Variants in LGR6 observed in about 807,000 individuals in gnomAD.
LGR6 encodes leucine rich repeat containing G protein-coupled receptor 6, also known as leucine-rich repeat-containing G protein-coupled receptor 6.
A neutral mutation model predicts 69.4 loss-of-function variants in LGR6; 45 were observed. The observed-to-expected ratio is 0.65, with a 90% CI of 0.51 to 0.83. The LOEUF (loss-of-function observed/expected upper bound fraction) is 0.83. LGR6 is among the 40% of genes least tolerant of loss of function. LGR6 has a pLI of 0.00. For missense variants in LGR6, 1,108 were observed against 1,246.7 expected (o/e 0.89, Z 1.68); for synonymous variants, 538 against 555.0 (o/e 0.97, Z 0.43).
chr1:202,305,189 A>G (rs1667893640), intron 11 of LGR6, among the ~76,000 whole-genome samples: 1 of 152,070 alleles, frequency 6.6e-6, no homozygotes, highest in South Asian at 2.1e-4. Flanking sequence ...CTTGCCACTG[A>G]CTGGTGGTGT....
intron 1 of LGR6, among the ~76,000 whole-genome samples, chr1:202,221,515 T>TTCCCA (rs1350267194): frequency 6.6e-6 from 1 of 152,188 alleles, no homozygotes; most frequent in Admixed American, 6.5e-5. Context: ...ACATTTCCCA[T>TTCCCA]TCCCATCCCA....
intron 1 of LGR6, among the ~76,000 whole-genome samples, chr1:202,209,697 C>T (rs1002142984): frequency 6.6e-6 from 1 of 152,228 alleles, no homozygotes. Flanking sequence ...TATCCTAAAG[C>T]CTTTCACTCG....
rs1553250338 is a variant in LGR6, at chr1:202,276,473, G to A, written c.596G>A (p.Ser199Asn). ...ATGACCCTGGCCCTCAACCGCATCAGCCACATCCCCGACTACGCGTTCCAG... is the reference window on the plus strand; with the variant it reads ...ATGACCCTGGCCCTCAACCGCATCAACCACATCCCCGACTACGCGTTCCAG... ...QAMTLALNRI[S>N]HIPDYAFQNL... is the part of the protein sequence containing the mutation. The change falls in exon 5 of 18, where the codon AGC becomes AAC. Residue 199 changes from serine to asparagine, a missense_variant. Transcript: ENST00000367278. 1 of 1,614,060 alleles carries A rather than the reference G, an allele frequency of 6.2e-7. No individual in the cohort carries two copies. Among genetic ancestry groups the A allele is most frequent in the Non-Finnish European group, 8.5e-7 (1 of 1,180,054 alleles).
In LGR6 at chr1:202,235,982, C is replaced by G. The variant is rs913900036; in HGVS notation, c.417C>G (p.Ser139Arg). The G allele has an allele frequency of 1.9e-6, 3 of 1,613,754 alleles. No individual in the cohort carries two copies. The highest frequency in any genetic ancestry group is 1.7e-6 in the Non-Finnish European group (2 of 1,179,850). The change falls in exon 4 of 18, where the codon AGC becomes AGG. Residue 139 changes from serine to arginine, a missense_variant. Ser to Arg is a moderately radical substitution (Grantham distance 110). Coordinates refer to ENST00000367278, the MANE Select transcript of LGR6 (RefSeq NM_001017403.2). ...IPAEALWELPSLQSLRLDANL... is the reference protein window; with the variant it reads ...IPAEALWELPRLQSLRLDANL... ...CAGAGGCGCTGTGGGAGCTGCCGAGCCTGCAGTCGCTGTGAGTCATTAGAG... is the reference window on the plus strand; with the variant it reads ...CAGAGGCGCTGTGGGAGCTGCCGAGGCTGCAGTCGCTGTGAGTCATTAGAG...
At chr1:202,260,460 A>C (rs766910673) in intron 4 of LGR6, among the ~76,000 whole-genome samples, 9 of 152,046 alleles carry the variant, frequency 5.9e-5, no homozygotes, top group Non-Finnish European at 1.2e-4. Flanking sequence ...CAGCCTCCCA[A>C]GTAGCTAGGA....
intron 4 of LGR6, among the ~76,000 whole-genome samples, chr1:202,255,351 G>A (rs1321380954): frequency 2.6e-5 from 4 of 152,158 alleles, no homozygotes; most frequent in Admixed American, 6.5e-5. Context: ...CAGGAGGAGC[G>A]GGCATGGCCT....
chr1:202,237,665 A>G (rs982645376), intron 4 of LGR6, among the ~76,000 whole-genome samples: 1 of 152,170 alleles, frequency 6.6e-6, no homozygotes, highest in Non-Finnish European at 1.5e-5. Context: ...TGGCTGGGAG[A>G]ACCAGACCAT....
intron 1 of LGR6, among the ~76,000 whole-genome samples, chr1:202,196,796 G>A (rs1658657058): frequency 6.6e-6 from 1 of 152,180 alleles, no homozygotes; most frequent in Non-Finnish European, 1.5e-5. Context: ...TGAGCCTAGT[G>A]GGTGAGTGTA....
At chr1:202,236,489 A>G (rs908992393) in intron 4 of LGR6, among the ~76,000 whole-genome samples, 2 of 152,196 alleles carry the variant, frequency 1.3e-5, no homozygotes, top group Non-Finnish European at 2.9e-5. Flanking sequence ...CACCCATAAC[A>G]GATCCCTCCC....
chr1:202,248,219 G>A (rs923202013), intron 4 of LGR6, among the ~76,000 whole-genome samples: 22 of 152,284 alleles, frequency 1.4e-4, no homozygotes, highest in African/African-American at 5.1e-4. Context: ...GCGTCATGGA[G>A]GTCACTAAGT....
Position 202,194,090 on chromosome 1 carries a change from C to G in LGR6, c.101C>G (p.Ala34Gly). The part of the protein sequence containing the change: ...GAPQPGPGPT[A>G]CPAPCHCQED... ...CCCCAGCCCGGCCCGGGGCCCACCGCCTGCCCGGCCCCCTGCCACTGCCAG... is the reference window on the plus strand; with the variant it reads ...CCCCAGCCCGGCCCGGGGCCCACCGGCTGCCCGGCCCCCTGCCACTGCCAG... The change falls in exon 1 of 18, where the codon GCC becomes GGC. Residue 34 changes from alanine to glycine, a missense_variant. Coordinates refer to ENST00000367278, the MANE Select transcript of LGR6 (RefSeq NM_001017403.2). 2 of 1,521,782 alleles carry G rather than the reference C, an allele frequency of 1.3e-6. No individual in the cohort carries two copies. Among genetic ancestry groups the G allele is most frequent in the Non-Finnish European group, 1.7e-6 (2 of 1,143,790 alleles). 94.3% of individuals were successfully genotyped at this position (1,521,782 alleles called of 1,614,324 possible).
In LGR6 at chr1:202,289,160, C is replaced by G. The variant is rs183288169; in HGVS notation, c.716+8308C>G. Among the ~76,000 whole-genome samples, 234 of 152,298 alleles carry G rather than the reference C, an allele frequency of 1.5e-3. 2 individuals carry two copies. In the East Asian group the frequency reaches 0.019, roughly 13 times the overall value. On this transcript the variant is annotated intron_variant, in intron 6 of 17. Coordinates refer to ENST00000367278, the MANE Select transcript of LGR6 (RefSeq NM_001017403.2). Reference sequence around the variant, plus strand: ...AAGGCAGATTACATTTTATGCTCTTCCAGCTGACAGGATGAGGGCCAAGCA... The same window carrying G: ...AAGGCAGATTACATTTTATGCTCTTGCAGCTGACAGGATGAGGGCCAAGCA...
chr1:202,205,997 A>G (rs904373921), intron 1 of LGR6, among the ~76,000 whole-genome samples: 1 of 119,516 alleles, frequency 8.4e-6, no homozygotes, highest in Non-Finnish European at 1.8e-5. Flanking sequence ...CACCCCTAGT[A>G]TGGGTCTCCG....
chr1:202,295,327 C>CAAAA (rs58243962), intron 6 of LGR6, among the ~76,000 whole-genome samples: 7 of 45,486 alleles, frequency 1.5e-4, no homozygotes, highest in Admixed American at 2.4e-4. Context: ...GACTCCATCT[C>CAAAA]AAAAAAAAAA....
chr1:202,262,829 C>T (rs1035558030), intron 4 of LGR6, among the ~76,000 whole-genome samples: 2 of 152,202 alleles, frequency 1.3e-5, no homozygotes, highest in Non-Finnish European at 2.9e-5. Context: ...TACTCATTAT[C>T]ACCTACAATG....
intron 1 of LGR6, among the ~76,000 whole-genome samples, chr1:202,201,930 A>G (rs1345190651): frequency 6.6e-6 from 1 of 152,192 alleles, no homozygotes; most frequent in Admixed American, 6.5e-5. Context: ...TCTGGGAGGC[A>G]GTCAGGGTGA....
intron 7 of LGR6, among the ~76,000 whole-genome samples, chr1:202,299,514 A>ATC (rs969600296): frequency 6.6e-6 from 1 of 151,680 alleles, no homozygotes; most frequent in Non-Finnish European, 1.5e-5. Flanking sequence ...GTCTATCTCC[A>ATC]TCTCTCTCTC....
chr1:202,258,002 A>G (rs2148089527), intron 4 of LGR6, among the ~76,000 whole-genome samples: 1 of 152,100 alleles, frequency 6.6e-6, no homozygotes, highest in East Asian at 1.9e-4. Context: ...ATGTTTTGTC[A>G]TTTTGAGAGT....
At chr1:202,210,702 T>C (rs1264208976) in intron 1 of LGR6, 1 of 152,266 alleles carries the variant, frequency 6.6e-6, no homozygotes, top group East Asian at 1.9e-4. Flanking sequence ...TAGAAGCTTT[T>C]GCCTTTCCTA....
Sources: gnomAD v4.1 joint callset for allele counts (sites outside exome capture counted in the v4.1 genomes callset) on GRCh38, gnomAD v4.1.1 for gene constraint, MANE v1.5 for transcripts, NCBI Gene and HGNC (gene_info 2026-07-23, HGNC 2026-07-21) for gene names.